Variants in NAALADL2 observed in about 807,000 individuals in gnomAD.
NAALADL2 encodes the protein N-acetylated alpha-linked acidic dipeptidase like 2, also known as inactive N-acetylated-alpha-linked acidic dipeptidase-like protein 2.
In NAALADL2, 76 loss-of-function variants were observed where a neutral mutation model predicts 87.2. The ratio of observed to expected loss-of-function variants is 0.87; its 90% confidence interval spans 0.72 to 1.05. The LOEUF is 1.05. Ranked by LOEUF, NAALADL2 falls within the 50% of genes least tolerant of loss-of-function variation. The pLI, the probability that NAALADL2 is intolerant of heterozygous loss-of-function variation, is 0.00. For synonymous variants in NAALADL2, 354 were observed against 331.0 expected (o/e 1.07, Z -0.75); for missense variants, 1,089 against 945.8 (o/e 1.15, Z -1.99).
At chr3:175,217,914 C>A (rs188278309) in intron 2 of NAALADL2, among the ~76,000 whole-genome samples, 27 of 151,994 alleles carry the variant, frequency 1.8e-4, no homozygotes, top group South Asian at 8.3e-4. Flanking sequence ...TCAGTTTGTA[C>A]GTATAGAAGC....
At chr3:174,997,946 G>A (rs995037648) in intron 1 of NAALADL2, among the ~76,000 whole-genome samples, 4 of 152,104 alleles carry the variant, frequency 2.6e-5, no homozygotes, top group Non-Finnish European at 5.9e-5. Context: ...CAGGAACAGT[G>A]TATTTAACCA....
At chr3:175,059,953 T>C in intron 1 of NAALADL2, 1 of 432,780 alleles carries the variant, frequency 2.3e-6, no homozygotes, top group Non-Finnish European at 4.6e-6. Flanking sequence ...CACATAACCT[T>C]CGATGTAGCT....
chr3:175,702,263 T>C (rs894779001), intron 11 of NAALADL2, among the ~76,000 whole-genome samples: 7 of 152,154 alleles, frequency 4.6e-5, no homozygotes, highest in Non-Finnish European at 8.8e-5. Flanking sequence ...AAGAAAGCTT[T>C]TATTCAAAAC....
chr3:175,345,641 C>T (rs556262693), intron 5 of NAALADL2, among the ~76,000 whole-genome samples: 132 of 152,240 alleles, frequency 8.7e-4, no homozygotes, highest in African/African-American at 3.1e-3. Flanking sequence ...CTTGATCCCA[C>T]ACAGTGATCA....
chr3:175,629,325 T>C (rs1727446628), intron 11 of NAALADL2, among the ~76,000 whole-genome samples: 1 of 148,512 alleles, frequency 6.7e-6, no homozygotes, highest in Non-Finnish European at 1.5e-5. Flanking sequence ...TAAACATTCA[T>C]GAATGGATAT....
chr3:175,773,879 T>C (rs1214500446), intron 13 of NAALADL2, among the ~76,000 whole-genome samples: 1 of 152,060 alleles, frequency 6.6e-6, no homozygotes, highest in Non-Finnish European at 1.5e-5. Flanking sequence ...TTTGAGACCA[T>C]GAAGCCAACT....
intron 3 of NAALADL2, among the ~76,000 whole-genome samples, chr3:175,243,531 CTTTTTT>C (rs3066298): frequency 3.5e-5 from 3 of 85,592 alleles, no homozygotes; most frequent in African/African-American, 4.4e-5. Context: ...CACATCAGGA[CTTTTTT>C]TTTTTTTTTT....
intron 11 of NAALADL2, among the ~76,000 whole-genome samples, chr3:175,653,973 T>C (rs1325241654): frequency 6.6e-6 from 1 of 152,238 alleles, no homozygotes; most frequent in Admixed American, 6.5e-5. Context: ...GACAAGTTAC[T>C]TCCTCACTTC....
chr3:175,638,371 T>C (rs1728830954), intron 11 of NAALADL2, among the ~76,000 whole-genome samples: 1 of 152,192 alleles, frequency 6.6e-6, no homozygotes, highest in African/African-American at 2.4e-5. Context: ...AAGACTCAGA[T>C]GCTCTTACTA....
intron 3 of NAALADL2, among the ~76,000 whole-genome samples, chr3:174,753,089 TC>T (rs1457227510): frequency 6.6e-6 from 1 of 152,182 alleles, no homozygotes; most frequent in Non-Finnish European, 1.5e-5. Flanking sequence ...TTCTTGTTGA[TC>T]CCCTTTTTGC....
chr3:174,630,760 G>A (rs1401731141), intron 2 of NAALADL2, among the ~76,000 whole-genome samples: 2 of 152,154 alleles, frequency 1.3e-5, no homozygotes, highest in African/African-American at 2.4e-5. Context: ...TTTGAAAGCT[G>A]TAGCCTATAT....
At chr3:174,998,440 C>T (rs1252420813) in intron 1 of NAALADL2, among the ~76,000 whole-genome samples, 1 of 152,198 alleles carries the variant, frequency 6.6e-6, no homozygotes, top group African/African-American at 2.4e-5. Flanking sequence ...AAGACTCCCT[C>T]AAGGGTCTGC....
chr3:174,618,879 G>T (rs1720734715), intron 2 of NAALADL2, among the ~76,000 whole-genome samples: 2 of 151,778 alleles, frequency 1.3e-5, no homozygotes, highest in Non-Finnish European at 3.0e-5. Flanking sequence ...ATTAACAACA[G>T]TTTTAGAAGC....
intron 2 of NAALADL2, among the ~76,000 whole-genome samples, chr3:175,151,046 C>G (rs936481): frequency 0.34 from 51,029 of 151,962 alleles, 8,610 homozygotes; most frequent in South Asian, 0.35. Flanking sequence ...TTTGTTTAAA[C>G]AATGAATCAT....
intron 2 of NAALADL2, among the ~76,000 whole-genome samples, chr3:175,146,077 A>G (rs1309600721): frequency 6.6e-6 from 1 of 152,162 alleles, no homozygotes; most frequent in Admixed American, 6.6e-5. Flanking sequence ...GGTAATAAGT[A>G]AGATTCGTGA....
At chr3:175,150,878 A>C (rs1731444924) in intron 2 of NAALADL2, among the ~76,000 whole-genome samples, 1 of 152,174 alleles carries the variant, frequency 6.6e-6, no homozygotes, top group Admixed American at 6.5e-5. Flanking sequence ...GCCCTCCTGT[A>C]GTTTATGGAT....
intron 2 of NAALADL2, among the ~76,000 whole-genome samples, chr3:174,718,364 T>C (rs1389533184): frequency 6.6e-6 from 1 of 152,178 alleles, no homozygotes; most frequent in Non-Finnish European, 1.5e-5. Context: ...AAAGCTAAAA[T>C]AGGAGGTTAC....
intron 3 of NAALADL2, among the ~76,000 whole-genome samples, chr3:174,851,384 CAGAG>C (rs1477757976): frequency 2.0e-4 from 24 of 122,420 alleles, no homozygotes; most frequent in African/African-American, 4.8e-4. Flanking sequence ...AAAAAAAAAT[CAGAG>C]AGAAGACCCA....
At chr3:175,135,457 C>T (rs762347736) in intron 2 of NAALADL2, among the ~76,000 whole-genome samples, 7 of 151,786 alleles carry the variant, frequency 4.6e-5, no homozygotes, top group Non-Finnish European at 1.0e-4. Flanking sequence ...GTAGAGTAAG[C>T]GTGTGTAAAT....
Sources: gnomAD v4.1 joint callset for allele counts (sites outside exome capture counted in the v4.1 genomes callset) on GRCh38, gnomAD v4.1.1 for gene constraint, MANE v1.5 for transcripts, NCBI Gene and HGNC (gene_info 2026-07-23, HGNC 2026-07-21) for gene names.